The following SLC2A1 variants were observed in gnomAD, a reference collection of about 807,000 sequenced individuals.
The protein encoded by SLC2A1 is solute carrier family 2 member 1.
In SLC2A1, 4 loss-of-function variants were observed where a neutral mutation model predicts 46.6. That is an observed-to-expected ratio of 0.09 (90% CI 0.04 to 0.20). The LOEUF (loss-of-function observed/expected upper bound fraction) is 0.20. Ranked by LOEUF, SLC2A1 falls within the 10% of genes least tolerant of loss-of-function variation. The pLI, the probability that SLC2A1 is intolerant of heterozygous loss-of-function variation, is 1.00. For synonymous variants in SLC2A1, 253 were observed against 270.0 expected (o/e 0.94, Z 0.62); for missense variants, 352 against 667.0 (o/e 0.53, Z 5.20).
At chr1:42,944,290 G>A (rs1643628389) in intron 1 of SLC2A1, among the ~76,000 whole-genome samples, 1 of 152,178 alleles carries the variant, frequency 6.6e-6, no homozygotes, top group African/African-American at 2.4e-5. Flanking sequence ...ACAGGTGACT[G>A]AGAGGCCAGC....
chr1:42,947,193 C>T (rs751300938), intron 1 of SLC2A1, among the ~76,000 whole-genome samples: 29 of 152,276 alleles, frequency 1.9e-4, no homozygotes, highest in Non-Finnish European at 2.6e-4. Flanking sequence ...AGCTGATGAA[C>T]AGTTGGTGAT....
chr1:42,932,598 T>C (rs942782208), intron 2 of SLC2A1, among the ~76,000 whole-genome samples: 1 of 151,862 alleles, frequency 6.6e-6, no homozygotes, highest in East Asian at 1.9e-4. Flanking sequence ...ATGCCACAGG[T>C]TCATGCACAC....
chr1:42,928,323 T>A lies in SLC2A1; in HGVS notation c.1075-515A>T, dbSNP rs149351115. Among the ~76,000 whole-genome samples the A allele has an allele frequency of 2.6e-3, 399 of 152,354 alleles. 5 individuals are homozygous for A. Among genetic ancestry groups the A allele is most frequent in the Middle Eastern group, 0.02 (6 of 294 alleles). ...CAAACTTTCCAAGCCCAGGTTGAGC[T>A]GTAAAATGACAGTCATGGTGCTTTC... On this transcript the variant is annotated intron_variant, in intron 8 of 9. Coordinates refer to ENST00000426263, the MANE Select transcript of SLC2A1 (RefSeq NM_006516.4).
intron 1 of SLC2A1, among the ~76,000 whole-genome samples, chr1:42,958,316 C>T (rs1643802774): frequency 6.6e-6 from 1 of 151,218 alleles, no homozygotes; most frequent in African/African-American, 2.4e-5. Flanking sequence ...GTGCCGCTCC[C>T]GGGCCCTGTG....
intron 1 of SLC2A1, among the ~76,000 whole-genome samples, chr1:42,946,452 T>G (rs1362911557): frequency 6.7e-6 from 1 of 150,294 alleles, no homozygotes; most frequent in African/African-American, 2.5e-5. Context: ...GGGAGGCAGA[T>G]GAAGATGAGA....
intron 1 of SLC2A1, among the ~76,000 whole-genome samples, chr1:42,957,425 G>A (rs1643787898): frequency 1.3e-5 from 2 of 152,190 alleles, no homozygotes; most frequent in South Asian, 4.1e-4. Context: ...GTCTCAGCGG[G>A]ACACCTCCAC....
intron 2 of SLC2A1, among the ~76,000 whole-genome samples, chr1:42,936,269 C>T (rs576503326): frequency 1.4e-4 from 21 of 152,170 alleles, no homozygotes; most frequent in South Asian, 1.0e-3. Context: ...AAGCTTTCAG[C>T]GCCAGTTACA....
chr1:42,933,723 G>C (rs567762088), intron 2 of SLC2A1, among the ~76,000 whole-genome samples: 1 of 151,218 alleles, frequency 6.6e-6, no homozygotes, highest in African/African-American at 2.4e-5. Context: ...ATATGGGAAC[G>C]GTCCAGATAA....
In SLC2A1 at chr1:42,929,563, G is replaced by A. The variant is rs755164199; in HGVS notation, c.867+30C>T. ...ACACTTGACCAGAGGGCTTGGCTGGGGCACAGGAAGGGTGGGTGGGGGCAC... is the reference window on the plus strand; with the variant it reads ...ACACTTGACCAGAGGGCTTGGCTGGAGCACAGGAAGGGTGGGTGGGGGCAC... On this transcript the variant is annotated intron_variant, in intron 6 of 9. Transcript: ENST00000426263. The surrounding 1 kb of genome is among the most constrained non-coding windows in gnomAD (Gnocchi z 6.0). 3 of 1,594,670 alleles carry A rather than the reference G, an allele frequency of 1.9e-6. No individual in the cohort carries two copies. The highest frequency in any genetic ancestry group is 2.2e-5 in the East Asian group (1 of 44,756).
In SLC2A1 at chr1:42,958,326, G is replaced by A. The variant is rs1427499367; in HGVS notation, c.18+308C>T. On this transcript the variant is annotated intron_variant, in intron 1 of 9. Coordinates refer to ENST00000426263, the MANE Select transcript of SLC2A1 (RefSeq NM_006516.4). ...GCGACGTGCCGCTCCCGGGCCCTGT[G>A]TCCCCAGCCCCAGCAGGGCCGCGTG... 2.6e-5 allele frequency among the ~76,000 whole-genome samples: 4 copies of A among 151,292 alleles called. No homozygotes were observed. The East Asian group carries it at 7.8e-4, about 29-fold the overall frequency.
At chr1:42,951,851 T>C (rs1643724715) in intron 1 of SLC2A1, 1 of 400,214 alleles carries the variant, frequency 2.5e-6, no homozygotes, top group African/African-American at 2.1e-5. Flanking sequence ...TGCAACACTG[T>C]GGTTAGAGAC....
chr1:42,937,859 C>T (rs1643557220), intron 2 of SLC2A1, among the ~76,000 whole-genome samples: 3 of 152,156 alleles, frequency 2.0e-5, no homozygotes, highest in African/African-American at 4.8e-5. Context: ...TTCAGCCTGA[C>T]GGGACACAGG....
rs1643467923 is a variant in SLC2A1 at position 42,929,770 on chromosome 1, C to G, written c.690G>C (p.Lys230Asn). 6.2e-7 allele frequency: 1 copy of G among 1,614,194 alleles called. No homozygotes were observed. Among genetic ancestry groups the G allele is most frequent in the Non-Finnish European group, 8.5e-7 (1 of 1,180,034 alleles). ...EENRAKSVLK[K>N]LRGTADVTHD... is the part of the protein sequence containing the mutation. ...GGGTCACGTCAGCTGTCCCGCGCAG[C>G]TTCTTTAGCACTGGGGGGACCGGAG... The change falls in exon 6 of 10, where the codon AAG becomes AAC. Residue 230 changes from lysine (K) to asparagine (N), a missense_variant. Coordinates refer to ENST00000426263, the MANE Select transcript of SLC2A1 (RefSeq NM_006516.4). This position sits in a 1 kb window ranked among gnomAD's most constrained non-coding sequence, Gnocchi z 6.0.
intron 1 of SLC2A1, among the ~76,000 whole-genome samples, chr1:42,946,434 G>A (rs1643655937): frequency 6.6e-6 from 1 of 152,032 alleles, no homozygotes; most frequent in Non-Finnish European, 1.5e-5. Flanking sequence ...AGTGGGGTGG[G>A]GGCAGTGGGG....
chr1:42,934,545 G>A (rs1366944356), intron 2 of SLC2A1, among the ~76,000 whole-genome samples: 1 of 152,154 alleles, frequency 6.6e-6, no homozygotes, highest in Non-Finnish European at 1.5e-5. Context: ...GGAAAGGCAG[G>A]GGGATGCTGG....
Position 42,927,265 on chromosome 1 carries a change from G to A in SLC2A1, c.1279-24C>T. On this transcript the variant is annotated intron_variant, in intron 9 of 9. Transcript: ENST00000426263. The surrounding 1 kb of genome is among the most constrained non-coding windows in gnomAD (Gnocchi z 5.3). ...TGCTGAAAGACACACAGACACACTT[G>A]GTTGGAGTCATGACCCTACATCCTG... 4 of 1,610,266 alleles carry A rather than the reference G, an allele frequency of 2.5e-6. No individual in the cohort carries two copies. Among genetic ancestry groups the A allele is most frequent in the Non-Finnish European group, 3.4e-6 (4 of 1,176,840 alleles).
intron 8 of SLC2A1, 146 bp downstream of exon 8, chr1:42,928,786 T>C: frequency 1.3e-6 from 1 of 782,522 alleles, no homozygotes; most frequent in Non-Finnish European, 2.3e-6. Flanking sequence ...AGGAGACAAC[T>C]TCAGGAGCCA....
intron 1 of SLC2A1, among the ~76,000 whole-genome samples, chr1:42,947,256 CT>C (rs1570603736): frequency 6.6e-6 from 1 of 152,100 alleles, no homozygotes; most frequent in South Asian, 2.1e-4. Context: ...TTGTGGGAGC[CT>C]TTTTTACTGG....
chr1:42,956,580 C>T (rs974522147), intron 1 of SLC2A1, among the ~76,000 whole-genome samples: 8 of 151,718 alleles, frequency 5.3e-5, no homozygotes, highest in Admixed American at 4.6e-4. Flanking sequence ...AGCGAAACTC[C>T]GTCTCAAAAA....
Sources: gnomAD v4.1 joint callset for allele counts (sites outside exome capture counted in the v4.1 genomes callset) on GRCh38, gnomAD v4.1.1 for gene constraint, Gnocchi (gnomAD v3.1) non-coding constraint, MANE v1.5 for transcripts, NCBI Gene and HGNC (gene_info 2026-07-23, HGNC 2026-07-21) for gene names.